The following TSHZ2 variants were observed in gnomAD, a reference collection of about 807,000 sequenced individuals.
TSHZ2 encodes the protein teashirt homolog 2.
In TSHZ2, 21 loss-of-function variants were observed where a neutral mutation model predicts 74.4. The observed-to-expected ratio is 0.28, with a 90% CI of 0.20 to 0.41. The LOEUF is 0.41. TSHZ2 is among the 10% of genes least tolerant of loss of function. TSHZ2 has a pLI of 1.00. For synonymous variants in TSHZ2, 540 were observed against 515.3 expected (o/e 1.05, Z -0.65); for missense variants, 1,244 against 1,293.5 (o/e 0.96, Z 0.59).
At position 53,372,602 on chromosome 20, in the gene TSHZ2, C is replaced by T. The variant is rs188653495; in HGVS notation, c.*9-114542C>T. Among the ~76,000 whole-genome samples, 12 of 152,310 alleles carry T rather than the reference C, an allele frequency of 7.9e-5. No homozygotes were observed. The East Asian group carries it at 2.3e-3, about 29-fold the overall frequency. On this transcript the variant is annotated intron_variant, in intron 2 of 2. Transcript: ENST00000371497. ...TGTCTCCAAGGTCTCTTCCATCTGC[C>T]TGTCTCTGTGACTCTAACTTTCCTA...
intron 1 of TSHZ2, among the ~76,000 whole-genome samples, chr20:53,002,534 T>C (rs1982478084): frequency 6.6e-6 from 1 of 152,170 alleles, no homozygotes; most frequent in African/African-American, 2.4e-5. Flanking sequence ...CTCCATTCTC[T>C]GGCTTGAAAT....
intron 1 of TSHZ2, among the ~76,000 whole-genome samples, chr20:53,130,519 A>G (rs1016169108): frequency 6.6e-6 from 1 of 152,172 alleles, no homozygotes; most frequent in South Asian, 2.1e-4. Flanking sequence ...CCAGCTACTC[A>G]GGAGGCTGAG....
In TSHZ2 at chr20:53,475,100, G is replaced by A. The variant is rs1302416026; in HGVS notation, c.*9-12044G>A. On this transcript the variant is annotated intron_variant, in intron 2 of 2. Transcript: ENST00000371497. ...CACTGTCAACATTAGACAGATCAACGAGACAGAAAGTCAGCAAGGATACCC... is the reference window on the plus strand; with the variant it reads ...CACTGTCAACATTAGACAGATCAACAAGACAGAAAGTCAGCAAGGATACCC... Among the ~76,000 whole-genome samples, 4 of 139,864 alleles carry A rather than the reference G, an allele frequency of 2.9e-5. 1 individual carries two copies. The highest frequency in any genetic ancestry group is 6.1e-5 in the Non-Finnish European group (4 of 65,208). The allele number at this position is 139,864 out of a possible 152,430, so 91.8% of individuals were successfully genotyped here. A position where few individuals can be genotyped will look rare whatever the true frequency, so the allele number is the denominator to read the frequency against.
At chr20:53,325,345 A>C (rs1451137572) in intron 2 of TSHZ2, among the ~76,000 whole-genome samples, 1 of 152,238 alleles carries the variant, frequency 6.6e-6, no homozygotes, top group Admixed American at 6.5e-5. Flanking sequence ...AGATCTAAAA[A>C]GTCATCATCT....
At chr20:53,183,852 A>G (rs1384391675) in intron 1 of TSHZ2, among the ~76,000 whole-genome samples, 1 of 152,202 alleles carries the variant, frequency 6.6e-6, no homozygotes, top group Non-Finnish European at 1.5e-5. Context: ...AAGGAAACAA[A>G]GGTGTGAGAG....
intron 2 of TSHZ2, among the ~76,000 whole-genome samples, chr20:53,280,198 A>AAGACCTCAGG (rs1239890577): frequency 6.6e-6 from 1 of 152,180 alleles, no homozygotes; most frequent in Admixed American, 6.5e-5. Context: ...AAGCTCCTTG[A>AAGACCTCAGG]AGACCTCAGG....
chr20:53,425,876 C>A (rs1983636456), intron 2 of TSHZ2, among the ~76,000 whole-genome samples: 1 of 151,744 alleles, frequency 6.6e-6, no homozygotes, highest in Admixed American at 6.6e-5. Flanking sequence ...AGGTAGCAGG[C>A]TGAATTTGGT....
intron 2 of TSHZ2, among the ~76,000 whole-genome samples, chr20:53,316,174 A>C (rs200654): frequency 0.36 from 54,220 of 152,058 alleles, 10,726 homozygotes; most frequent in Non-Finnish European, 0.45. Context: ...GAGAAAGGAA[A>C]ATGATGTCAA....
chr20:53,307,690 A>G (rs896279203), intron 2 of TSHZ2, among the ~76,000 whole-genome samples: 17 of 152,212 alleles, frequency 1.1e-4, no homozygotes, highest in African/African-American at 4.8e-5. Context: ...GTAAAGTTCA[A>G]TGGATTTTAC....
intron 2 of TSHZ2, among the ~76,000 whole-genome samples, chr20:53,429,964 C>A (rs943191055): frequency 1.3e-5 from 2 of 152,186 alleles, no homozygotes. Context: ...GATGCCAGGA[C>A]TCTCACCAGG....
intron 2 of TSHZ2, among the ~76,000 whole-genome samples, chr20:53,482,755 A>T (rs8124166): frequency 0.073 from 11,064 of 151,790 alleles, 521 homozygotes; most frequent in South Asian, 0.23. Context: ...AATACAAAAA[A>T]ATTAGCCAGG....
intron 1 of TSHZ2, among the ~76,000 whole-genome samples, chr20:52,983,891 G>T (rs1981658414): frequency 6.6e-6 from 1 of 152,190 alleles, no homozygotes; most frequent in South Asian, 2.1e-4. Context: ...CCAGGACCTG[G>T]CAACTCTGTC....
At chr20:53,370,906 C>T (rs11700040) in intron 2 of TSHZ2, among the ~76,000 whole-genome samples, 12 of 152,166 alleles carry the variant, frequency 7.9e-5, no homozygotes, top group Non-Finnish European at 1.5e-4. Context: ...TTAATTCTCT[C>T]GCAGTTGTGG....
chr20:53,231,020 G>A (rs542381930), intron 1 of TSHZ2, among the ~76,000 whole-genome samples: 35 of 152,356 alleles, frequency 2.3e-4, no homozygotes, highest in South Asian at 1.0e-3. Context: ...CAAGTGTGGA[G>A]AGGCTGGACT....
chr20:53,373,937 A>G (rs1300761356), intron 2 of TSHZ2, among the ~76,000 whole-genome samples: 2 of 152,326 alleles, frequency 1.3e-5, no homozygotes, highest in African/African-American at 4.8e-5. Context: ...TGTGATATAC[A>G]TAATACATGT....
chr20:53,158,633 A>G (rs1280463750), intron 1 of TSHZ2, among the ~76,000 whole-genome samples: 1 of 152,166 alleles, frequency 6.6e-6, no homozygotes, highest in African/African-American at 2.4e-5. Flanking sequence ...TTTTTACTCT[A>G]TCAACATCCA....
At position 52,973,250 on chromosome 20, in the gene TSHZ2, C is replaced by G; in HGVS notation, c.-44C>G. On this transcript the variant is annotated 5_prime_UTR_variant, in exon 1 of 3. Transcript: ENST00000371497. ...AGAGACAGCGGGCCCCAGCGCGCGG[C>G]TCGGGGCTGGGGCGCCAGAAGTGGG... 6 of 1,551,468 alleles carry G rather than the reference C, an allele frequency of 3.9e-6. No homozygotes were observed. Among genetic ancestry groups the G allele is most frequent in the Non-Finnish European group, 5.2e-6 (6 of 1,146,808 alleles).
intron 1 of TSHZ2, among the ~76,000 whole-genome samples, chr20:53,247,637 C>T (rs1181468527): frequency 6.6e-6 from 1 of 152,214 alleles, no homozygotes; most frequent in African/African-American, 2.4e-5. Context: ...TTTGTACCTA[C>T]TGGGTACACG....
chr20:53,220,957 AATG>A (rs1177312977), intron 1 of TSHZ2, among the ~76,000 whole-genome samples: 1 of 152,162 alleles, frequency 6.6e-6, no homozygotes, highest in Non-Finnish European at 1.5e-5. Context: ...CTGATTCATG[AATG>A]ATATGGTTTG....
Sources: gnomAD v4.1 joint callset for allele counts (sites outside exome capture counted in the v4.1 genomes callset) on GRCh38, gnomAD v4.1.1 for gene constraint, MANE v1.5 for transcripts, NCBI Gene and HGNC (gene_info 2026-07-23, HGNC 2026-07-21) for gene names.